The following CCDC81 variants were observed in gnomAD, a reference collection of about 807,000 sequenced individuals.
CCDC81 encodes coiled-coil domain-containing protein 81.
A neutral mutation model predicts 83.7 loss-of-function variants in CCDC81; 79 were observed. That is an observed-to-expected ratio of 0.94 (90% CI 0.79 to 1.14). The LOEUF (loss-of-function observed/expected upper bound fraction) is 1.14. Among genes scored for constraint, CCDC81 ranks in the 50% most tolerant of loss-of-function variants. The pLI, the probability that CCDC81 is intolerant of heterozygous loss-of-function variation, is 0.00. For synonymous variants in CCDC81, 252 were observed against 278.1 expected (o/e 0.91, Z 0.93); for missense variants, 791 against 778.1 (o/e 1.02, Z -0.20).
chr11:86,403,029 T>A (rs1430104638), intron 7 of CCDC81, among the ~76,000 whole-genome samples: 1 of 148,654 alleles, frequency 6.7e-6, no homozygotes, highest in Admixed American at 6.7e-5. Context: ...TTTTTTTTTT[T>A]TTTTTGTAGA....
At chr11:86,386,773 T>C (rs565795111) in intron 2 of CCDC81, among the ~76,000 whole-genome samples, 1 of 152,368 alleles carries the variant, frequency 6.6e-6, no homozygotes, top group South Asian at 2.1e-4. Context: ...ATATAATGTT[T>C]TGGATTTTTT....
chr11:86,413,473 C>T (rs1010837517), intron 11 of CCDC81, among the ~76,000 whole-genome samples: 5 of 152,304 alleles, frequency 3.3e-5, no homozygotes, highest in African/African-American at 1.2e-4. Flanking sequence ...GGACCATGCC[C>T]TTTCCCCACT....
At chr11:86,382,001 TGAAAGA>T (rs1948183296) in intron 1 of CCDC81, among the ~76,000 whole-genome samples, 1 of 152,170 alleles carries the variant, frequency 6.6e-6, no homozygotes, top group Admixed American at 6.5e-5. Context: ...ATGGAGCAAC[TGAAAGA>T]CAGTTGACTG....
At chr11:86,394,537 G>C (rs758065293) in intron 4 of CCDC81, among the ~76,000 whole-genome samples, 2 of 152,296 alleles carry the variant, frequency 1.3e-5, no homozygotes, top group Non-Finnish European at 2.9e-5. Flanking sequence ...CTGTGAAGTG[G>C]TGTGAGTGAG....
At chr11:86,388,096 T>C (rs1286536111) in intron 3 of CCDC81, among the ~76,000 whole-genome samples, 1 of 152,156 alleles carries the variant, frequency 6.6e-6, no homozygotes, top group Non-Finnish European at 1.5e-5. Context: ...ATCATTAAAA[T>C]TTAAAAGTTA....
At chr11:86,385,477 G>C (rs920518953) in intron 1 of CCDC81, among the ~76,000 whole-genome samples, 1 of 152,188 alleles carries the variant, frequency 6.6e-6, no homozygotes, top group South Asian at 2.1e-4. Context: ...TGGTCCAGGA[G>C]CCCACAGAGT....
At chr11:86,402,726 A>C (rs80351569) in intron 7 of CCDC81, among the ~76,000 whole-genome samples, 2,072 of 152,356 alleles carry the variant, frequency 0.014, 22 homozygotes, top group Middle Eastern at 0.031. Context: ...CAGCAACAGT[A>C]ATATGAGAGA....
intron 14 of CCDC81, among the ~76,000 whole-genome samples, chr11:86,421,136 G>A (rs1404100626): frequency 6.6e-6 from 1 of 152,132 alleles, no homozygotes; most frequent in Non-Finnish European, 1.5e-5. Context: ...ACTTGAGCAC[G>A]CAGCAGTAGC....
At position 86,382,844 on chromosome 11, in the gene CCDC81, G is replaced by A. The variant is rs139476210; in HGVS notation, c.80-3207G>A. On this transcript the variant is annotated intron_variant, in intron 1 of 14. Coordinates refer to ENST00000445632, the MANE Select transcript of CCDC81 (RefSeq NM_001156474.2). Reference sequence around the variant, plus strand: ...AGTAGTATAAAAGCCAAAAGGAGAGGTGCTTAAACGGGGAGGGAGTGATCA... The same window carrying A: ...AGTAGTATAAAAGCCAAAAGGAGAGATGCTTAAACGGGGAGGGAGTGATCA... 2.6e-5 allele frequency among the ~76,000 whole-genome samples: 4 copies of A among 152,260 alleles called. 1 individual carries two copies. The East Asian group carries it at 7.7e-4, about 29-fold the overall frequency.
chr11:86,396,595 G>A (rs927176908), intron 5 of CCDC81, among the ~76,000 whole-genome samples: 2 of 152,106 alleles, frequency 1.3e-5, no homozygotes, highest in African/African-American at 4.8e-5. Context: ...CCCCCTCCTG[G>A]AAGAGCTGTA....
intron 3 of CCDC81, among the ~76,000 whole-genome samples, chr11:86,390,862 T>C (rs1279782875): frequency 6.6e-6 from 1 of 152,106 alleles, no homozygotes; most frequent in African/African-American, 2.4e-5. Flanking sequence ...TTGAGATACA[T>C]GTGGGGATAT....
chr11:86,419,987 A>C lies in CCDC81; in HGVS notation c.1751A>C (p.Gln584Pro), dbSNP rs755414931. 2 of 1,614,014 alleles carry C rather than the reference A, an allele frequency of 1.2e-6. No individual in the cohort carries two copies. The highest frequency in any genetic ancestry group is 1.1e-5 in the South Asian group (1 of 91,032). ...ERVNRVNQCL[Q>P]EDWERSAAMK... ...GTAAATAGAGTCAACCAATGCTTAC[A>C]GGAGGACTGGGAAAGGAGTGCTGCG... The change falls in exon 14 of 15, where the codon CAG (glutamine) becomes CCG (proline). Residue 584 changes from glutamine to proline, a missense_variant. Coordinates refer to ENST00000445632, the MANE Select transcript of CCDC81 (RefSeq NM_001156474.2).
intron 7 of CCDC81, among the ~76,000 whole-genome samples, chr11:86,403,438 A>T (rs372852088): frequency 1.3e-5 from 2 of 152,132 alleles, no homozygotes; most frequent in Admixed American, 1.3e-4. Flanking sequence ...CAAGTCCCCA[A>T]ACACCATGTT....
rs372945413 is a variant in CCDC81 at position 86,392,646 on chromosome 11, C to T, written c.404C>T (p.Ser135Leu). 646 of 1,551,636 alleles carry T rather than the reference C, an allele frequency of 4.2e-4. No homozygotes were observed. Among genetic ancestry groups the T allele is most frequent in the Non-Finnish European group, 5.2e-4 (598 of 1,146,964 alleles). The change falls in exon 4 of 15, where the codon TCG (serine) becomes TTG (leucine). Residue 135 changes from serine to leucine, a missense_variant. Transcript: ENST00000445632. ...GCVKETLLFL[S>L]RSISMKQNVE... ...GTGAAGGAGACGTTGCTTTTTTTAT[C>T]GCGTTCCATTTCCATGAAACAAAAT...
In CCDC81 at chr11:86,419,946, C is replaced by T. The variant is rs371248481; in HGVS notation, c.1710C>T (p.Thr570=). Residue 570 remains threonine (T), a synonymous_variant, in exon 14 of 15, where the codon ACC becomes ACT. Transcript: ENST00000445632. Reference sequence around the variant, plus strand: ...TCTCCAGGCACTTGGCAGACAGAACCGCTGAGCTGGAGCGAGTAAATAGAG... The same window carrying T: ...TCTCCAGGCACTTGGCAGACAGAACTGCTGAGCTGGAGCGAGTAAATAGAG... ...RTQREHLADR[T]AELERVNRVN... is the part of the protein sequence containing the mutation. 153 of 1,612,544 alleles carry T rather than the reference C, an allele frequency of 9.5e-5. No individual in the cohort carries two copies. Among genetic ancestry groups the T allele is most frequent in the Admixed American group, 1.3e-4 (8 of 59,840 alleles).
chr11:86,409,704 C>T (rs1401198179), intron 10 of CCDC81, among the ~76,000 whole-genome samples: 4 of 152,356 alleles, frequency 2.6e-5, no homozygotes, highest in Middle Eastern at 3.4e-3. Flanking sequence ...CCGTCTTGGC[C>T]TCCCAAAGTG....
chr11:86,390,368 G>A (rs1056720527), intron 3 of CCDC81, among the ~76,000 whole-genome samples: 1 of 152,134 alleles, frequency 6.6e-6, no homozygotes, highest in African/African-American at 2.4e-5. Context: ...TATGGCTGAG[G>A]CATATGATTG....
chr11:86,397,827 T>A (rs1948429653), intron 6 of CCDC81, 85 bp downstream of exon 6: 5 of 1,449,882 alleles, frequency 3.4e-6, no homozygotes, highest in Non-Finnish European at 4.6e-6. Context: ...TAAATAAAGT[T>A]AAATTTACAA....
chr11:86,383,682 T>C (rs1400574697), intron 1 of CCDC81, among the ~76,000 whole-genome samples: 1 of 152,226 alleles, frequency 6.6e-6, no homozygotes, highest in African/African-American at 2.4e-5. Flanking sequence ...ATTTGCTTTT[T>C]AGACTTGATA....
Sources: gnomAD v4.1 joint callset for allele counts (sites outside exome capture counted in the v4.1 genomes callset) on GRCh38, gnomAD v4.1.1 for gene constraint, MANE v1.5 for transcripts, NCBI Gene and HGNC (gene_info 2026-07-23, HGNC 2026-07-21) for gene names.